The following OSBP2 variants were observed in gnomAD, a reference collection of about 807,000 sequenced individuals.
The protein encoded by OSBP2 is oxysterol binding protein 2.
OSBP2 carries 66 observed loss-of-function variants against 96.0 expected under a neutral mutation model. The ratio of observed to expected loss-of-function variants is 0.69; its 90% CI spans 0.56 to 0.84. The LOEUF (loss-of-function observed/expected upper bound fraction) is 0.84, where lower values mean the gene tolerates loss of function less well. Ranked by LOEUF, OSBP2 falls within the 40% of genes least tolerant of loss-of-function variation. The pLI, the probability that OSBP2 is intolerant of heterozygous loss-of-function variation, is 0.00. For synonymous variants in OSBP2, 525 were observed against 520.9 expected (o/e 1.01, Z -0.11); for missense variants, 1,038 against 1,222.7 (o/e 0.85, Z 2.25).
chr22:30,733,775 G>C (rs964850554), intron 1 of OSBP2, among the ~76,000 whole-genome samples: 5 of 152,206 alleles, frequency 3.3e-5, no homozygotes, highest in Admixed American at 3.3e-4. Flanking sequence ...ATCCTTGACA[G>C]AGGTGAGAGT....
At chr22:30,902,983 G>A (rs1397356500) in intron 12 of OSBP2, among the ~76,000 whole-genome samples, 1 of 152,056 alleles carries the variant, frequency 6.6e-6, no homozygotes, top group African/African-American at 2.4e-5. Context: ...TCTATCTAGT[G>A]CCTGTTTGTG....
intron 2 of OSBP2, among the ~76,000 whole-genome samples, chr22:30,789,595 C>G (rs2090644212): frequency 6.6e-6 from 1 of 152,144 alleles, no homozygotes; most frequent in Non-Finnish European, 1.5e-5. Context: ...ACGGGAAGAG[C>G]CTACGGACAG....
chr22:30,778,333 A>ACACACACC (rs528319552), intron 2 of OSBP2, among the ~76,000 whole-genome samples: 19 of 148,908 alleles, frequency 1.3e-4, no homozygotes, highest in South Asian at 4.3e-4. Flanking sequence ...ACACACACAC[A>ACACACACC]CCCACTGACA....
At chr22:30,751,630 C>T (rs2090074815) in intron 2 of OSBP2, among the ~76,000 whole-genome samples, 1 of 152,178 alleles carries the variant, frequency 6.6e-6, no homozygotes, top group South Asian at 2.1e-4. Flanking sequence ...ACTGGGATTA[C>T]AGGCGTGAGC....
intron 2 of OSBP2, among the ~76,000 whole-genome samples, chr22:30,754,362 C>G (rs2090115427): frequency 6.6e-6 from 1 of 152,208 alleles, no homozygotes; most frequent in Non-Finnish European, 1.5e-5. Context: ...GCATATGTCC[C>G]TCAGCAGGCT....
chr22:30,887,414 C>T lies in OSBP2; in HGVS notation c.1108-12C>T, dbSNP rs760194234. The T allele has an allele frequency of 3.4e-5, 54 of 1,607,190 alleles. No individual in the cohort carries two copies. The highest frequency in any genetic ancestry group is 8.5e-7 in the Non-Finnish European group (1 of 1,175,206). On this transcript the variant is annotated splice_polypyrimidine_tract_variant and intron_variant, in intron 3 of 13. Coordinates refer to ENST00000332585, the MANE Select transcript of OSBP2 (RefSeq NM_030758.4). ...AGGCCAGGGTCTCATACCGCCACTCCTCCCTCCCCAGGCCTGCAGGGACTT... is the reference window on the plus strand; with the variant it reads ...AGGCCAGGGTCTCATACCGCCACTCTTCCCTCCCCAGGCCTGCAGGGACTT...
At chr22:30,903,995 T>C (rs944567662) in intron 12 of OSBP2, among the ~76,000 whole-genome samples, 1 of 152,238 alleles carries the variant, frequency 6.6e-6, no homozygotes, top group Non-Finnish European at 1.5e-5. Context: ...GTTGTTCCCA[T>C]GTGCAGGGTT....
chr22:30,822,212 G>A (rs1436362512), intron 2 of OSBP2, among the ~76,000 whole-genome samples: 1 of 152,096 alleles, frequency 6.6e-6, no homozygotes, highest in African/African-American at 2.4e-5. Flanking sequence ...AGCTCTCAAG[G>A]GCATCTTTGC....
chr22:30,877,154 G>A (rs192026425), intron 3 of OSBP2, among the ~76,000 whole-genome samples: 60 of 152,202 alleles, frequency 3.9e-4, no homozygotes, highest in East Asian at 9.7e-4. Flanking sequence ...GCAAATGAGA[G>A]AGAGAGAGGA....
chr22:30,818,828 T>C (rs542377946), intron 2 of OSBP2, among the ~76,000 whole-genome samples: 28 of 152,190 alleles, frequency 1.8e-4, no homozygotes, highest in Middle Eastern at 3.4e-3. Flanking sequence ...GTGGTAACCA[T>C]AGACATGGGA....
intron 2 of OSBP2, among the ~76,000 whole-genome samples, chr22:30,779,132 A>C (rs190684892): frequency 6.7e-6 from 1 of 149,540 alleles, no homozygotes; most frequent in Non-Finnish European, 1.5e-5. Context: ...CCCAGGCTGG[A>C]GTGAAGTGGC....
At position 30,851,449 on chromosome 22, in the gene OSBP2, C is replaced by G. The variant is rs117415585; in HGVS notation, c.854-18980C>G. ...ATATATTGACCTTTTATTCCACAGT[C>G]TTTCTAAATTCACATTTTAGTTCAT... is the stretch of plus-strand genomic sequence containing the variant. On this transcript the variant is annotated intron_variant, in intron 2 of 13. Coordinates refer to ENST00000332585, the MANE Select transcript of OSBP2 (RefSeq NM_030758.4). 6.8e-3 allele frequency among the ~76,000 whole-genome samples: 1,035 copies of G among 152,306 alleles called. 12 individuals carry two copies. The highest frequency in any genetic ancestry group is 0.015 in the South Asian group (74 of 4,828).
rs62235917 is a variant in OSBP2 at position 30,814,379 on chromosome 22, T to C, written c.854-56050T>C. On this transcript the variant is annotated intron_variant, in intron 2 of 13. Coordinates refer to ENST00000332585, the MANE Select transcript of OSBP2 (RefSeq NM_030758.4). ...ATGTTTGTGTCCTCATTTCCTCCTC[T>C]TCTTATGAAGACACCAGTCGTATGG... Among the ~76,000 whole-genome samples the C allele has an allele frequency of 6.7e-3, 1,016 of 151,890 alleles. 11 individuals carry two copies. The highest frequency in any genetic ancestry group is 0.015 in the South Asian group (73 of 4,762).
At chr22:30,744,747 T>G (rs2089977756) in intron 2 of OSBP2, among the ~76,000 whole-genome samples, 1 of 151,900 alleles carries the variant, frequency 6.6e-6, no homozygotes, top group South Asian at 2.1e-4. Context: ...GGCAACAGAG[T>G]GAGACTCTGT....
intron 2 of OSBP2, among the ~76,000 whole-genome samples, chr22:30,840,109 A>T (rs1298091950): frequency 1.4e-5 from 2 of 147,896 alleles, no homozygotes; most frequent in African/African-American, 5.0e-5. Context: ...ACCTAATGCT[A>T]GATGACGAGT....
At chr22:30,868,265 T>C (rs2039386168) in intron 2 of OSBP2, among the ~76,000 whole-genome samples, 1 of 152,238 alleles carries the variant, frequency 6.6e-6, no homozygotes, top group Non-Finnish European at 1.5e-5. Context: ...CCTCAATAGC[T>C]GGGCACTAAG....
Position 30,906,084 on chromosome 22 carries a change from G to A in OSBP2, c.2608+15G>A. On this transcript the variant is annotated intron_variant, in intron 13 of 13. Transcript: ENST00000332585. ...CTCGGAGGAAGGTGAGGCCGGGCGG[G>A]AAGGGCGCCCCGGAGGGGAGGAAAG... 1 of 1,515,580 alleles carries A rather than the reference G, an allele frequency of 6.6e-7. No individual in the cohort carries two copies. The highest frequency in any genetic ancestry group is 8.9e-7 in the Non-Finnish European group (1 of 1,124,330). 93.9% of individuals were successfully genotyped at this position (1,515,580 alleles called of 1,614,324 possible). A position where few individuals can be genotyped will look rare whatever the true frequency, so the allele number is the denominator to read the frequency against.
In OSBP2 at chr22:30,835,899, T is replaced by C. The variant is rs912132570; in HGVS notation, c.854-34530T>C. ...CACCTGGCTAAATTTTTTTTTTTCC[T>C]GTAAAGGTGGGGTTTCACTATGTTG... is the stretch of plus-strand genomic sequence containing the variant. On this transcript the variant is annotated intron_variant, in intron 2 of 13. Coordinates refer to ENST00000332585, the MANE Select transcript of OSBP2 (RefSeq NM_030758.4). Among the ~76,000 whole-genome samples, 3 of 151,900 alleles carry C rather than the reference T, an allele frequency of 2.0e-5. No homozygotes were observed. In the East Asian group the frequency reaches 5.8e-4, roughly 29 times the overall value.
At chr22:30,736,309 C>T (rs1417376831) in intron 1 of OSBP2, among the ~76,000 whole-genome samples, 2 of 152,218 alleles carry the variant, frequency 1.3e-5, no homozygotes, top group Non-Finnish European at 2.9e-5. Context: ...AGGCTCATCT[C>T]GACTGGGAGG....
Sources: gnomAD v4.1 joint callset for allele counts (sites outside exome capture counted in the v4.1 genomes callset) on GRCh38, gnomAD v4.1.1 for gene constraint, MANE v1.5 for transcripts, NCBI Gene and HGNC (gene_info 2026-07-23, HGNC 2026-07-21) for gene names.